The following ROBO1 variants were observed in gnomAD, a reference collection of about 807,000 sequenced individuals.
The protein encoded by ROBO1 is roundabout homolog 1.
Under a neutral mutation model 195.9 loss-of-function variants are expected in ROBO1, and 149 were observed. That is an observed-to-expected ratio of 0.76 (90% CI 0.67 to 0.87). The LOEUF (loss-of-function observed/expected upper bound fraction) is 0.87, where lower values mean the gene tolerates loss of function less well. Ranked by LOEUF, ROBO1 falls within the 40% of genes least tolerant of loss-of-function variation. The pLI, the probability that ROBO1 is intolerant of heterozygous loss-of-function variation, is 0.00. For missense variants in ROBO1, 1,933 were observed against 2,068.3 expected (o/e 0.93, Z 1.27); for synonymous variants, 816 against 733.2 (o/e 1.11, Z -1.82).
intron 2 of ROBO1, among the ~76,000 whole-genome samples, chr3:79,370,907 A>G (rs1414651283): frequency 1.3e-5 from 2 of 151,218 alleles, no homozygotes; most frequent in South Asian, 2.1e-4. Context: ...TCACTGTTCA[A>G]CTCCCACTTA....
chr3:79,555,404 A>G (rs1473713792), intron 2 of ROBO1, among the ~76,000 whole-genome samples: 1 of 152,142 alleles, frequency 6.6e-6, no homozygotes, highest in Non-Finnish European at 1.5e-5. Context: ...CATTCTATTT[A>G]TTTAATTTTC....
At chr3:79,581,199 G>A (rs1943650135) in intron 2 of ROBO1, among the ~76,000 whole-genome samples, 1 of 151,948 alleles carries the variant, frequency 6.6e-6, no homozygotes, top group Non-Finnish European at 1.5e-5. Context: ...TACAACAGCT[G>A]TACCATATAG....
intron 1 of ROBO1, among the ~76,000 whole-genome samples, chr3:79,718,648 A>G (rs901319548): frequency 6.6e-6 from 1 of 152,062 alleles, no homozygotes; most frequent in South Asian, 2.1e-4. Flanking sequence ...CATGCTAAAG[A>G]TATTAAATAA....
intron 4 of ROBO1, among the ~76,000 whole-genome samples, chr3:78,752,262 A>C (rs951591901): frequency 2.0e-5 from 3 of 152,208 alleles, no homozygotes; most frequent in Non-Finnish European, 4.4e-5. Context: ...GTGTAATTTA[A>C]TATCAAAATA....
chr3:79,270,104 G>A (rs192333296), intron 2 of ROBO1, among the ~76,000 whole-genome samples: 3 of 151,526 alleles, frequency 2.0e-5, no homozygotes, highest in East Asian at 1.9e-4. Context: ...AACAACCATC[G>A]ACTAGGACAT....
intron 2 of ROBO1, among the ~76,000 whole-genome samples, chr3:79,243,459 A>G (rs1433762305): frequency 6.6e-6 from 1 of 152,036 alleles, no homozygotes; most frequent in Non-Finnish European, 1.5e-5. Context: ...AACAGTGTAA[A>G]AGTGTTCCTA....
At chr3:79,592,930 T>C (rs1246397523) in intron 1 of ROBO1, among the ~76,000 whole-genome samples, 2 of 152,086 alleles carry the variant, frequency 1.3e-5, no homozygotes, top group African/African-American at 4.8e-5. Context: ...AAACTGCTGA[T>C]CTGTTTGTTA....
At chr3:79,145,017 A>T (rs1188388141) in intron 2 of ROBO1, among the ~76,000 whole-genome samples, 2 of 151,990 alleles carry the variant, frequency 1.3e-5, no homozygotes, top group Admixed American at 1.3e-4. Flanking sequence ...ATTGTTCTAC[A>T]AAAAAGATTA....
At chr3:79,390,477 C>T (rs180768726) in intron 2 of ROBO1, among the ~76,000 whole-genome samples, 94 of 152,180 alleles carry the variant, frequency 6.2e-4, no homozygotes, top group Non-Finnish European at 1.1e-3. Flanking sequence ...AAAAAGAAGA[C>T]ATATGAAAAG....
intron 4 of ROBO1, among the ~76,000 whole-genome samples, chr3:78,868,711 G>T (rs2035336049): frequency 6.6e-6 from 1 of 152,096 alleles, no homozygotes; most frequent in Non-Finnish European, 1.5e-5. Context: ...AGGGAATTAT[G>T]CACTCAAGCA....
At chr3:79,151,407 C>A (rs2080765905) in intron 2 of ROBO1, among the ~76,000 whole-genome samples, 1 of 151,732 alleles carries the variant, frequency 6.6e-6, no homozygotes, top group Non-Finnish European at 1.5e-5. Context: ...ACCAAGTATT[C>A]TTGGCTCAGC....
At chr3:79,667,528 G>A (rs777520639) in intron 1 of ROBO1, among the ~76,000 whole-genome samples, 1 of 151,834 alleles carries the variant, frequency 6.6e-6, no homozygotes, top group Non-Finnish European at 1.5e-5. Flanking sequence ...TGAATACTGA[G>A]CAACATCACT....
chr3:79,150,086 T>G (rs749390401), intron 2 of ROBO1, among the ~76,000 whole-genome samples: 2 of 151,738 alleles, frequency 1.3e-5, no homozygotes, highest in Non-Finnish European at 2.9e-5. Context: ...ATTTGTCAGT[T>G]GCAGTTCAGA....
intron 4 of ROBO1, among the ~76,000 whole-genome samples, chr3:78,787,516 T>C (rs2083872808): frequency 6.6e-6 from 1 of 152,230 alleles, no homozygotes; most frequent in Non-Finnish European, 1.5e-5. Context: ...ACTTTCACTT[T>C]AATGTGTTTT....
At position 79,334,611 on chromosome 3, in the gene ROBO1, C is replaced by T. The variant is rs150686245; in HGVS notation, c.89-209072G>A. Among the ~76,000 whole-genome samples the T allele has an allele frequency of 4.3e-4, 65 of 151,928 alleles. No homozygotes were observed. In the South Asian group the frequency reaches 4.8e-3, roughly 11 times the overall value. On this transcript the variant is annotated intron_variant, in intron 2 of 30. Coordinates refer to ENST00000464233, the MANE Select transcript of ROBO1 (RefSeq NM_002941.4). The stretch of plus-strand genomic sequence containing the variant: ...GTGAAGACATGAATATGTTTATAGA[C>T]GTCACTAATCTGACAATCTTTGATT...
chr3:79,623,397 T>A (rs1004036811), intron 1 of ROBO1, among the ~76,000 whole-genome samples: 2 of 152,158 alleles, frequency 1.3e-5, no homozygotes, highest in Non-Finnish European at 2.9e-5. Context: ...TAAAAAACTA[T>A]GCGGAGCTAA....
At chr3:79,277,085 A>C (rs1222053419) in intron 2 of ROBO1, among the ~76,000 whole-genome samples, 1 of 152,026 alleles carries the variant, frequency 6.6e-6, no homozygotes, top group African/African-American at 2.4e-5. Context: ...TAAAAATAGA[A>C]CTATCATATG....
chr3:78,720,269 A>G (rs2082009878), intron 5 of ROBO1, among the ~76,000 whole-genome samples: 1 of 152,236 alleles, frequency 6.6e-6, no homozygotes, highest in Admixed American at 6.5e-5. Context: ...GTCACACAAC[A>G]AGTGGAAACA....
At chr3:78,957,921 T>G (rs2107811230) in intron 3 of ROBO1, among the ~76,000 whole-genome samples, 1 of 152,320 alleles carries the variant, frequency 6.6e-6, no homozygotes, top group East Asian at 1.9e-4. Context: ...GTTATTAAAA[T>G]ATACTTTCTT....
Sources: gnomAD v4.1 joint callset for allele counts (sites outside exome capture counted in the v4.1 genomes callset) on GRCh38, gnomAD v4.1.1 for gene constraint, MANE v1.5 for transcripts, NCBI Gene and HGNC (gene_info 2026-07-23, HGNC 2026-07-21) for gene names.